Variants in KLRF1 observed in about 807,000 individuals in gnomAD.
KLRF1 encodes killer cell lectin like receptor F1, also known as killer cell lectin-like receptor subfamily F member 1.
Under a neutral mutation model 30.7 loss-of-function variants are expected in KLRF1, and 27 were observed. The ratio of observed to expected loss-of-function variants is 0.88; its 90% CI spans 0.65 to 1.21. The LOEUF (loss-of-function observed/expected upper bound fraction) is 1.21. Ranked by LOEUF, KLRF1 falls within the 50% of genes most tolerant of loss-of-function variation. The pLI, the probability that KLRF1 is intolerant of heterozygous loss-of-function variation, is 0.00. For missense variants in KLRF1, 246 were observed against 259.3 expected (o/e 0.95, Z 0.35); for synonymous variants, 92 against 89.3 (o/e 1.03, Z -0.17).
chr12:9,823,636 A>G (rs117995043), upstream of KLRF1, among the ~76,000 whole-genome samples: 1 of 152,116 alleles, frequency 6.6e-6, no homozygotes, highest in Non-Finnish European at 1.5e-5. Context: ...TATAACCAAA[A>G]TCAGAGCTGA....
In KLRF1 at chr12:9,844,709, T is replaced by C. The variant is rs1273800718; in HGVS notation, c.*183T>C. On this transcript the variant is annotated 3_prime_UTR_variant, in exon 6 of 6. Coordinates refer to ENST00000617889, the MANE Select transcript of KLRF1 (RefSeq NM_016523.3). ...TAACCCCTGTTAACAAACTAAAATG[T>C]ACACTTCAAAATTTTTACGTGATAG... is the stretch of plus-strand genomic sequence containing the variant. The C allele has an allele frequency of 1.1e-5, 5 of 446,228 alleles. No homozygotes were observed. Among genetic ancestry groups the C allele is most frequent in the African/African-American group, 6.0e-5 (3 of 50,262 alleles). 27.6% of individuals were successfully genotyped at this position (446,228 alleles called of 1,614,324 possible).
At chr12:9,833,182 A>G in intron 2 of KLRF1, 121 bp from the exon 3 acceptor site, 1 of 620,300 alleles carries the variant, frequency 1.6e-6, no homozygotes, top group East Asian at 3.3e-5. Flanking sequence ...TTTTAAAAAG[A>G]TCCTAGTGAC....
chr12:9,834,046 A>G (rs1867513671), intron 3 of KLRF1, among the ~76,000 whole-genome samples: 1 of 148,320 alleles, frequency 6.7e-6, no homozygotes, highest in Non-Finnish European at 1.5e-5. Flanking sequence ...AAGGAAAATT[A>G]CAGTCGAAGA....
At chr12:9,806,559 TC>T in the KLRF1 span, among the ~76,000 whole-genome samples, 1 of 152,140 alleles carries the variant, frequency 6.6e-6, no homozygotes, top group Non-Finnish European at 1.5e-5. Flanking sequence ...GTTCATTTAA[TC>T]CAGTTTGACA....
the KLRF1 span, among the ~76,000 whole-genome samples, chr12:9,811,020 T>C: frequency 5.9e-5 from 9 of 152,014 alleles, no homozygotes; most frequent in East Asian, 1.7e-3. Context: ...CTTCCAGCAA[T>C]GGTGAGGCTG....
chr12:9,813,489 T>C, the KLRF1 span, among the ~76,000 whole-genome samples: 2 of 151,674 alleles, frequency 1.3e-5, no homozygotes, highest in East Asian at 3.9e-4. Flanking sequence ...AAAAATAGAA[T>C]AACAAATTTA....
At chr12:9,810,965 T>C in the KLRF1 span, among the ~76,000 whole-genome samples, 2 of 152,182 alleles carry the variant, frequency 1.3e-5, no homozygotes, top group Non-Finnish European at 2.9e-5. Flanking sequence ...TTGTTAGAAC[T>C]ACACATAACC....
At chr12:9,842,147 TTG>T (rs55711994) in intron 4 of KLRF1, among the ~76,000 whole-genome samples, 172 bp from the exon 5 acceptor site, 4 of 150,874 alleles carry the variant, frequency 2.7e-5, no homozygotes, top group Admixed American at 6.6e-5. Context: ...CAACTTGCAA[TTG>T]TGTGTGTGTG....
rs774666955 is a variant in KLRF1, at chr12:9,827,504, C to T, written c.-41C>T. The T allele has an allele frequency of 2.6e-6, 3 of 1,143,146 alleles. No homozygotes were observed. The highest frequency in any genetic ancestry group is 2.5e-6 in the Non-Finnish European group (2 of 787,938). The allele number at this position is 1,143,146 out of a possible 1,614,324, so 70.8% of individuals were successfully genotyped here. On this transcript the variant is annotated 5_prime_UTR_variant, in exon 1 of 6. It introduces an in-frame stop codon into an upstream open reading frame of the 5' UTR. Coordinates refer to ENST00000617889, the MANE Select transcript of KLRF1 (RefSeq NM_016523.3). Reference sequence around the variant, plus strand: ...TCATTTCATGTTATACTTAATAAAACAAAACATACCTGTATACACACACAT... The same window carrying T: ...TCATTTCATGTTATACTTAATAAAATAAAACATACCTGTATACACACACAT...
chr12:9,818,954 G>T, the KLRF1 span, among the ~76,000 whole-genome samples: 23 of 152,288 alleles, frequency 1.5e-4, no homozygotes, highest in East Asian at 2.1e-3. Flanking sequence ...CTCAATCCGT[G>T]GAGGATGAAG....
At chr12:9,840,470 A>G (rs1411123538) in intron 3 of KLRF1, among the ~76,000 whole-genome samples, 2 of 152,082 alleles carry the variant, frequency 1.3e-5, no homozygotes, top group Non-Finnish European at 2.9e-5. Context: ...TTTTCTCAAT[A>G]CTATGCCAAA....
intron 4 of KLRF1, 90 bp from the exon 5 acceptor site, chr12:9,842,231 A>G: frequency 4.4e-6 from 6 of 1,376,626 alleles, no homozygotes; most frequent in Non-Finnish European, 6.0e-6. Flanking sequence ...ATCCCTATGC[A>G]GAGTGCTTTT....
chr12:9,842,094 G>A, intron 4 of KLRF1, 143 bp downstream of exon 4: 1 of 984,242 alleles, frequency 1.0e-6, no homozygotes, highest in South Asian at 1.7e-5. Context: ...TTCCAAGTGA[G>A]TGCCTCACTT....
chr12:9,844,767 C>T lies in KLRF1; in HGVS notation c.*241C>T, dbSNP rs1382358807. 1 of 241,102 alleles carries T rather than the reference C, an allele frequency of 4.1e-6. No individual in the cohort carries two copies. The highest frequency in any genetic ancestry group is 7.6e-5 in the East Asian group (1 of 13,134). 14.9% of individuals were successfully genotyped at this position (241,102 alleles called of 1,614,324 possible). A position where few individuals can be genotyped will look rare whatever the true frequency, so the allele number is the denominator to read the frequency against. On this transcript the variant is annotated 3_prime_UTR_variant, in exon 6 of 6. Transcript: ENST00000617889. The stretch of plus-strand genomic sequence containing the variant: ...CAATGTGACTTCATGTGATCATATC[C>T]AGGATTTTTATTCGTCGCTTATTTT...
At position 9,829,577 on chromosome 12, in the gene KLRF1, A is replaced by AC. The variant is rs200586832; in HGVS notation, c.85+1953dup. ...AGACCTGCCTGGGCAACAAATCAAGACCCCCATCTCTACAAACAATAGAGA... is the reference window on the plus strand; with the variant it reads ...AGACCTGCCTGGGCAACAAATCAAGACCCCCCATCTCTACAAACAATAGAGA... On this transcript the variant is annotated intron_variant, in intron 1 of 5. Coordinates refer to ENST00000617889, the MANE Select transcript of KLRF1 (RefSeq NM_016523.3). 9.1e-3 allele frequency among the ~76,000 whole-genome samples: 1,382 copies of AC among 151,986 alleles called. 23 individuals carry two copies. The highest frequency in any genetic ancestry group is 0.031 in the African/African-American group (1,301 of 41,440).
chr12:9,841,941 A>T lies in KLRF1; in HGVS notation c.464A>T (p.Gln155Leu). The T allele has an allele frequency of 6.2e-7, 1 of 1,611,196 alleles. No homozygotes were observed. Among genetic ancestry groups the T allele is most frequent in the Non-Finnish European group, 8.5e-7 (1 of 1,178,552 alleles). ...RKSHLLIIHD[Q>L]LEMAFIQKNL... Reference sequence around the variant, plus strand: ...TCTCATCTACTAATCATACATGACCAACTTGAAATGGTAATTGGTCTAGTA... The same window carrying T: ...TCTCATCTACTAATCATACATGACCTACTTGAAATGGTAATTGGTCTAGTA... Residue 155 changes from glutamine (Q) to leucine (L), a missense_variant, in exon 4 of 6, where the codon CAA (glutamine) becomes CTA (leucine). Physicochemically the swap from Gln to Leu is moderately radical, Grantham distance 113. Transcript: ENST00000617889.
chr12:9,823,223 GC>G (rs1867246284), upstream of KLRF1, among the ~76,000 whole-genome samples: 2 of 44,936 alleles, frequency 4.5e-5, no homozygotes, highest in African/African-American at 1.0e-4. Context: ...CTTAGCAAAT[GC>G]AAAAAAAAAA....
chr12:9,835,302 A>G (rs1020261418), intron 3 of KLRF1, among the ~76,000 whole-genome samples: 2 of 151,978 alleles, frequency 1.3e-5, no homozygotes, highest in African/African-American at 2.4e-5. Flanking sequence ...AAAGATGAGG[A>G]GTGCTGAAAG....
chr12:9,842,686 CT>C (rs1258361223), intron 5 of KLRF1, among the ~76,000 whole-genome samples: 2 of 151,996 alleles, frequency 1.3e-5, no homozygotes, highest in African/African-American at 4.8e-5. Context: ...TGAATGCAGT[CT>C]CTTATTTTTA....
Sources: gnomAD v4.1 joint callset for allele counts (sites outside exome capture counted in the v4.1 genomes callset) on GRCh38, gnomAD v4.1.1 for gene constraint, MANE v1.5 for transcripts, NCBI Gene and HGNC (gene_info 2026-07-23, HGNC 2026-07-21) for gene names.